The following PCDHA8 variants were observed in gnomAD, a reference collection of about 807,000 sequenced individuals.
The protein encoded by PCDHA8 is protocadherin alpha 8, also known as protocadherin alpha-8.
PCDHA8 carries 53 observed loss-of-function variants against 61.8 expected under a neutral mutation model. The observed-to-expected ratio is 0.86, with a 90% CI of 0.69 to 1.08. PCDHA8 has a LOEUF of 1.08. Among genes scored for constraint, PCDHA8 ranks in the 50% least tolerant of loss-of-function variants. The pLI is 0.00. For synonymous variants in PCDHA8, 618 were observed against 556.6 expected (o/e 1.11, Z -1.55); for missense variants, 1,293 against 1,245.0 (o/e 1.04, Z -0.58).
chr5:140,879,783 G>A (rs182330190), intron 1 of PCDHA8, among the ~76,000 whole-genome samples: 1 of 152,162 alleles, frequency 6.6e-6, no homozygotes, highest in African/African-American at 2.4e-5. Flanking sequence ...GAAGAATCTG[G>A]TTTTTGTTTC....
At chr5:140,901,181 G>A (rs2068491755) in intron 1 of PCDHA8, among the ~76,000 whole-genome samples, 1 of 152,010 alleles carries the variant, frequency 6.6e-6, no homozygotes, top group African/African-American at 2.4e-5. Flanking sequence ...TTTGTTGATT[G>A]TTTGCTTTTC....
chr5:140,876,356 T>C, intron 1 of PCDHA8: 1 of 1,613,964 alleles, frequency 6.2e-7, no homozygotes. Flanking sequence ...ATGTTTTCAA[T>C]AAATCCAGAC....
intron 1 of PCDHA8, among the ~76,000 whole-genome samples, chr5:140,939,456 T>C (rs1554212738): frequency 6.6e-6 from 1 of 152,206 alleles, no homozygotes; most frequent in Non-Finnish European, 1.5e-5. Flanking sequence ...GTGAAATTTA[T>C]AGGCCTAGAA....
chr5:140,842,949 C>G lies in PCDHA8; in HGVS notation c.1628C>G (p.Pro543Arg), dbSNP rs6889154. The change falls in exon 1 of 4, where the codon CCG becomes CGG. Residue 543 changes from proline (P) to arginine (R), a missense_variant. Pro to Arg is a moderately radical substitution (Grantham distance 103). Coordinates refer to ENST00000531613, the MANE Select transcript of PCDHA8 (RefSeq NM_018911.3). ...GTGAGCGCGCGCGACGCGGGCGTGC[C>G]GCCTCTGGGCAGCAACGTGACGCTG... ...FQVSARDAGV[P>R]PLGSNVTLQV... 8 of 1,594,550 alleles carry G rather than the reference C, an allele frequency of 5.0e-6. 1 individual carries two copies. The highest frequency in any genetic ancestry group is 1.3e-5 in the African/African-American group (1 of 74,346).
At chr5:140,974,804 A>G (rs2096641388) in intron 1 of PCDHA8, among the ~76,000 whole-genome samples, 1 of 152,204 alleles carries the variant, frequency 6.6e-6, no homozygotes, top group Non-Finnish European at 1.5e-5. Context: ...TTGATATACT[A>G]GAAGACCAAT....
At chr5:140,849,010 T>C in intron 1 of PCDHA8, 1 of 1,591,032 alleles carries the variant, frequency 6.3e-7, no homozygotes, top group Non-Finnish European at 8.6e-7. Context: ...ACTTACAGAC[T>C]GAGCCCCAAT....
intron 1 of PCDHA8, chr5:140,875,720 T>C (rs1554167893): frequency 1.9e-6 from 3 of 1,614,092 alleles, no homozygotes; most frequent in Non-Finnish European, 1.7e-6. Context: ...CAGAATGGCA[T>C]TTTGTTTGTG....
Position 140,887,400 on chromosome 5 carries a change from A to G in PCDHA8, c.2394+43685A>G, listed in dbSNP as rs563892577. Among the ~76,000 whole-genome samples, 411 of 152,184 alleles carry G rather than the reference A, an allele frequency of 2.7e-3. 1 individual carries two copies. The highest frequency in any genetic ancestry group is 4.5e-3 in the Non-Finnish European group (305 of 68,000). On this transcript the variant is annotated intron_variant, in intron 1 of 3. Transcript: ENST00000531613. ...TGTGAGCCACCGCGCCCGGCTCTTT[A>G]TCTCATTTTTATTTTTGAAAAAGTA...
chr5:140,946,491 G>T (rs1292553232), intron 1 of PCDHA8, among the ~76,000 whole-genome samples: 2 of 151,676 alleles, frequency 1.3e-5, no homozygotes, highest in Middle Eastern at 3.4e-3. Context: ...CAAAGGAAAT[G>T]AAATCAGTAT....
At chr5:140,877,575 C>T (rs1244471489) in intron 1 of PCDHA8, 1 of 1,613,826 alleles carries the variant, frequency 6.2e-7, no homozygotes, top group Non-Finnish European at 8.5e-7. Context: ...TGTACCTCAT[C>T]ATCGCCATCT....
At chr5:140,876,554 A>C (rs2056417075) in intron 1 of PCDHA8, 2 of 1,614,052 alleles carry the variant, frequency 1.2e-6, no homozygotes, top group African/African-American at 2.7e-5. Context: ...CCTGTGCAAG[A>C]GGATGCTCAG....
In PCDHA8 at chr5:141,003,093, C is replaced by T. The variant is rs80317990; in HGVS notation, c.2543-6534C>T. 2.0e-4 allele frequency among the ~76,000 whole-genome samples: 30 copies of T among 152,330 alleles called. No individual in the cohort carries two copies. The East Asian group carries it at 5.4e-3, about 27-fold the overall frequency. ...ATGAGGGTGAGTTTAACAGGCCTGG[C>T]ATTTGCTTCACAATCTTCTGGCCCT... On this transcript the variant is annotated intron_variant, in intron 3 of 3. Coordinates refer to ENST00000531613, the MANE Select transcript of PCDHA8 (RefSeq NM_018911.3).
At position 140,851,057 on chromosome 5, in the gene PCDHA8, C is replaced by T; in HGVS notation, c.2394+7342C>T. The T allele has an allele frequency of 2.9e-6, 4 of 1,378,132 alleles. No homozygotes were observed. In the African/African-American group the frequency reaches 4.4e-5, roughly 15 times the overall value. 85.4% of individuals were successfully genotyped at this position (1,378,132 alleles called of 1,614,324 possible). ...AACATTGGAGCCGACTTTGTCTTGA[C>T]TTCTAGTGAGAATTATAAACTGTAT... On this transcript the variant is annotated intron_variant, in intron 1 of 3. Transcript: ENST00000531613.
At chr5:140,883,626 C>T (rs782798960) in intron 1 of PCDHA8, 3 of 1,613,850 alleles carry the variant, frequency 1.9e-6, no homozygotes, top group Non-Finnish European at 2.5e-6. Flanking sequence ...GACAACGCGC[C>T]GGCGTTCGCG....
intron 3 of PCDHA8, among the ~76,000 whole-genome samples, chr5:141,008,824 T>C (rs1042258496): frequency 6.6e-6 from 1 of 152,186 alleles, no homozygotes; most frequent in African/African-American, 2.4e-5. Flanking sequence ...TACAACAGGA[T>C]TCCATCCTCT....
At position 140,857,332 on chromosome 5, in the gene PCDHA8, C is replaced by G. The variant is rs782461373; in HGVS notation, c.2394+13617C>G. The G allele has an allele frequency of 1.9e-6, 3 of 1,598,330 alleles. 1 individual carries two copies. The highest frequency in any genetic ancestry group is 2.6e-6 in the Non-Finnish European group (3 of 1,167,876). On this transcript the variant is annotated intron_variant, in intron 1 of 3. Transcript: ENST00000531613. Reference sequence around the variant, plus strand: ...ATGAGCTGGTGGTGACCGCGCGGGACGGGGGCTCGCCTCCGCTGTGGGCCA... The same window carrying G: ...ATGAGCTGGTGGTGACCGCGCGGGAGGGGGGCTCGCCTCCGCTGTGGGCCA...
intron 3 of PCDHA8, among the ~76,000 whole-genome samples, chr5:141,007,961 C>G (rs1554261577): frequency 6.6e-6 from 1 of 152,176 alleles, no homozygotes; most frequent in East Asian, 1.9e-4. Flanking sequence ...TGCTCATTCT[C>G]TGGGTGTCTG....
chr5:140,887,236 A>G (rs575217506), intron 1 of PCDHA8, among the ~76,000 whole-genome samples: 53 of 151,920 alleles, frequency 3.5e-4, no homozygotes, highest in South Asian at 2.1e-3. Flanking sequence ...AGCTGAGACT[A>G]CCGGCGCCCG....
Position 141,006,215 on chromosome 5 carries a change from T to A in PCDHA8, c.2543-3412T>A, listed in dbSNP as rs530559800. Among the ~76,000 whole-genome samples, 194 of 151,754 alleles carry A rather than the reference T, an allele frequency of 1.3e-3. 2 individuals carry two copies. The highest frequency in any genetic ancestry group is 4.2e-3 in the African/African-American group (174 of 41,396). ...ATGTATGTTATGCCTCATTTTTTTT[T>A]AAATTTTTTATTTTTAGATGGAGTC... On this transcript the variant is annotated intron_variant, in intron 3 of 3. Coordinates refer to ENST00000531613, the MANE Select transcript of PCDHA8 (RefSeq NM_018911.3).
Sources: gnomAD v4.1 joint callset for allele counts (sites outside exome capture counted in the v4.1 genomes callset) on GRCh38, gnomAD v4.1.1 for gene constraint, MANE v1.5 for transcripts, NCBI Gene and HGNC (gene_info 2026-07-23, HGNC 2026-07-21) for gene names.